Variants in SLC44A5 observed in about 807,000 individuals in gnomAD.
SLC44A5 encodes the protein solute carrier family 44 member 5.
A neutral mutation model predicts 101.8 loss-of-function variants in SLC44A5; 57 were observed. That is an observed-to-expected ratio of 0.56 (90% confidence interval 0.45 to 0.70). The LOEUF (loss-of-function observed/expected upper bound fraction) is 0.70. Ranked by LOEUF, SLC44A5 falls within the 30% of genes least tolerant of loss-of-function variation. The pLI, the probability that SLC44A5 is intolerant of heterozygous loss-of-function variation, is 0.00. For synonymous variants in SLC44A5, 281 were observed against 290.9 expected, an observed-to-expected ratio of 0.97 and a Z score of 0.35; for missense variants, 737 against 853.1, an observed-to-expected ratio of 0.86 and a Z score of 1.70.
At chr1:75,708,140 C>T in the SLC44A5 span, among the ~76,000 whole-genome samples, 4 of 151,614 alleles carry the variant, frequency 2.6e-5, no homozygotes, top group South Asian at 2.1e-4. Context: ...CAGCTGGGTG[C>T]GGTGGCTCAC....
Position 75,445,534 on chromosome 1 carries a change from G to GTATATATTACA in SLC44A5, c.14-48914_14-48913insTGTAATATATA, listed in dbSNP as rs1557791695. ...ACAATATAATATATGTATATATTAC[G>GTATATATTACA]TAATATATACATATATATGTATAAA... On this transcript the variant is annotated intron_variant, in intron 2 of 23. Transcript: ENST00000370859. Among the ~76,000 whole-genome samples the GTATATATTACA allele has an allele frequency of 2.2e-4, 32 of 146,028 alleles. No individual in the cohort carries two copies. In the South Asian group the frequency reaches 6.9e-3, roughly 31 times the overall value.
chr1:75,695,480 C>T, the SLC44A5 span, among the ~76,000 whole-genome samples: 9 of 151,974 alleles, frequency 5.9e-5, no homozygotes, highest in African/African-American at 4.8e-5. Context: ...AAAATGACCA[C>T]GTTTGACTTC....
rs566412235 is a variant in SLC44A5 at position 75,282,973 on chromosome 1, G to A, written c.176-7931C>T. Among the ~76,000 whole-genome samples, 5 of 152,274 alleles carry A rather than the reference G, an allele frequency of 3.3e-5. No homozygotes were observed. The South Asian group carries it at 1.0e-3, about 32-fold the overall frequency. ...ATCGGGTGACGGTAAACATGCGTGT[G>A]CAAGTATCTTTTTCGTATAATGATT... On this transcript the variant is annotated intron_variant, in intron 5 of 23. Transcript: ENST00000370859.
At chr1:75,259,853 A>G (rs903431517) in intron 6 of SLC44A5, among the ~76,000 whole-genome samples, 2 of 152,206 alleles carry the variant, frequency 1.3e-5, no homozygotes, top group African/African-American at 4.8e-5. Context: ...CCTAGAGGCC[A>G]GAAGAGAATG....
At chr1:75,631,606 T>G in the SLC44A5 span, among the ~76,000 whole-genome samples, 71,106 of 145,334 alleles carry the variant, frequency 0.49, 18,549 homozygotes, top group East Asian at 0.94. Flanking sequence ...GAGTGCAATG[T>G]CGCAATCTCA....
chr1:75,638,010 C>T, the SLC44A5 span, among the ~76,000 whole-genome samples: 2 of 151,972 alleles, frequency 1.3e-5, no homozygotes, highest in African/African-American at 4.8e-5. Flanking sequence ...CATAGTTTTG[C>T]CAAATTATTG....
intron 2 of SLC44A5, among the ~76,000 whole-genome samples, chr1:75,467,898 AC>A (rs1330008042): frequency 2.3e-5 from 3 of 131,878 alleles, no homozygotes; most frequent in Non-Finnish European, 3.2e-5. Flanking sequence ...GAGACAACTC[AC>A]AAAATGGGAG....
intron 6 of SLC44A5, among the ~76,000 whole-genome samples, chr1:75,254,420 C>T (rs1006704088): frequency 4.6e-5 from 7 of 152,162 alleles, no homozygotes; most frequent in African/African-American, 1.7e-4. Context: ...GGAAGTAACT[C>T]ATAATTTAAC....
In SLC44A5 at chr1:75,451,577, A is replaced by T. The variant is rs537427086; in HGVS notation, c.14-54956T>A. 9.3e-4 allele frequency among the ~76,000 whole-genome samples: 141 copies of T among 152,260 alleles called. 1 individual carries two copies. Among genetic ancestry groups the T allele is most frequent in the Non-Finnish European group, 1.5e-3 (103 of 68,022 alleles). On this transcript the variant is annotated intron_variant, in intron 2 of 23. Transcript: ENST00000370859. ...AATGACAAAAATTAAAACTAATAGC[A>T]TCTCCAGATGAGAAGCAACCAGCTG... is the stretch of plus-strand genomic sequence containing the variant.
intron 2 of SLC44A5, among the ~76,000 whole-genome samples, chr1:75,524,207 G>A (rs1358833734): frequency 6.6e-6 from 1 of 152,040 alleles, no homozygotes; most frequent in African/African-American, 2.4e-5. Flanking sequence ...TTCCCCCTTA[G>A]CTCTCTCTCT....
At chr1:75,426,138 G>T (rs1664293385) in intron 2 of SLC44A5, among the ~76,000 whole-genome samples, 2 of 152,196 alleles carry the variant, frequency 1.3e-5, no homozygotes, top group South Asian at 2.1e-4. Context: ...AACAATGAAA[G>T]ATTGTGAGAA....
chr1:75,668,676 A>T, the SLC44A5 span, among the ~76,000 whole-genome samples: 1 of 151,332 alleles, frequency 6.6e-6, no homozygotes, highest in African/African-American at 2.5e-5. Context: ...TCTGTGGTTA[A>T]AGGAACATTT....
chr1:75,518,402 G>A (rs1669946440), intron 2 of SLC44A5, among the ~76,000 whole-genome samples: 1 of 152,012 alleles, frequency 6.6e-6, no homozygotes, highest in Admixed American at 6.6e-5. Context: ...ACTACGAGCA[G>A]TCTGTATTTA....
chr1:75,473,053 G>C (rs192571984), intron 2 of SLC44A5, among the ~76,000 whole-genome samples: 23 of 152,282 alleles, frequency 1.5e-4, no homozygotes, highest in Non-Finnish European at 2.5e-4. Flanking sequence ...CTGTAATTCA[G>C]TGTTGGCAAT....
chr1:75,279,813 G>A (rs938153370), intron 5 of SLC44A5, among the ~76,000 whole-genome samples: 1 of 151,656 alleles, frequency 6.6e-6, no homozygotes, highest in South Asian at 2.1e-4. Context: ...TCATTACATG[G>A]ATAAGTCCTT....
At chr1:75,582,512 C>A (rs1325703754) in intron 1 of SLC44A5, 2 of 569,910 alleles carry the variant, frequency 3.5e-6, no homozygotes, top group African/African-American at 3.7e-5. Flanking sequence ...AGCTTCAATT[C>A]CAGCTCAGGC....
chr1:75,707,196 AC>A, the SLC44A5 span, among the ~76,000 whole-genome samples: 1 of 152,256 alleles, frequency 6.6e-6, no homozygotes, highest in Non-Finnish European at 1.5e-5. Context: ...TGTCCCATAG[AC>A]CCTGGCTGAC....
At chr1:75,228,689 T>C (rs1306683579) in intron 12 of SLC44A5, among the ~76,000 whole-genome samples, 2 of 151,858 alleles carry the variant, frequency 1.3e-5, no homozygotes, top group African/African-American at 2.4e-5. Flanking sequence ...TTATATTCCA[T>C]TTTTCTTCTC....
chr1:75,235,188 G>A (rs1280216371), intron 11 of SLC44A5, among the ~76,000 whole-genome samples: 1 of 151,852 alleles, frequency 6.6e-6, no homozygotes, highest in African/African-American at 2.4e-5. Flanking sequence ...CAATATGATT[G>A]AAAGATTATT....
Sources: allele counts gnomAD v4.1 joint callset (sites outside exome capture counted in the v4.1 genomes callset), GRCh38; gene constraint gnomAD v4.1.1; transcripts MANE v1.5; gene names NCBI Gene and HGNC (gene_info 2026-07-23, HGNC 2026-07-21).